The following KAZN variants were observed in gnomAD, a reference collection of about 807,000 sequenced individuals.
The protein encoded by KAZN is kazrin.
A neutral mutation model predicts 87.4 loss-of-function variants in KAZN; 40 were observed. The observed-to-expected ratio is 0.46, with a 90% confidence interval of 0.36 to 0.60. The LOEUF (loss-of-function observed/expected upper bound fraction) is 0.60, where lower values mean the gene tolerates loss of function less well. Ranked by LOEUF, KAZN falls within the 20% of genes least tolerant of loss-of-function variation. The pLI, the probability that KAZN is intolerant of heterozygous loss-of-function variation, is 0.00. For synonymous variants in KAZN, 466 were observed against 458.3 expected (o/e 1.02, Z -0.22); for missense variants, 898 against 1,073.9 (o/e 0.84, Z 2.29).
intron 2 of KAZN, among the ~76,000 whole-genome samples, chr1:14,591,977 GAGA>G (rs1279275351): frequency 6.6e-6 from 1 of 152,096 alleles, no homozygotes; most frequent in African/African-American, 2.4e-5. Context: ...TGATGAATAG[GAGA>G]AGGATAGCTG....
At chr1:14,827,409 T>C (rs544212536) in intron 1 of KAZN, among the ~76,000 whole-genome samples, 17 of 152,300 alleles carry the variant, frequency 1.1e-4, no homozygotes, top group African/African-American at 3.8e-4. Flanking sequence ...CTCACCTGCT[T>C]CCCACCCTTT....
chr1:14,337,585 A>T (rs1657361362), intron 2 of KAZN, among the ~76,000 whole-genome samples: 1 of 152,130 alleles, frequency 6.6e-6, no homozygotes, highest in Admixed American at 6.5e-5. Context: ...GCAAGTAGCT[A>T]TTGGTTCATT....
chr1:14,427,513 A>AACACACACACACAC (rs141037257), intron 2 of KAZN, among the ~76,000 whole-genome samples: 3 of 150,300 alleles, frequency 2.0e-5, no homozygotes, highest in African/African-American at 7.3e-5. Context: ...CTATAATTTA[A>AACACACACACACAC]ACACACACAC....
At chr1:14,685,357 T>A (rs1640892852) in intron 1 of KAZN, among the ~76,000 whole-genome samples, 1 of 152,196 alleles carries the variant, frequency 6.6e-6, no homozygotes, top group Admixed American at 6.5e-5. Flanking sequence ...CACAATTCTG[T>A]GCCACTGGTC....
At chr1:14,090,282 C>T (rs778116415) in intron 1 of KAZN, among the ~76,000 whole-genome samples, 12 of 152,138 alleles carry the variant, frequency 7.9e-5, no homozygotes, top group Non-Finnish European at 1.5e-4. Flanking sequence ...TCCCTCATCT[C>T]ACTGACACTC....
At chr1:14,585,504 C>T (rs571900804) in intron 2 of KAZN, among the ~76,000 whole-genome samples, 6 of 152,118 alleles carry the variant, frequency 3.9e-5, no homozygotes, top group South Asian at 2.1e-4. Context: ...GTTCTTCCCA[C>T]GCAGGATCAC....
intron 1 of KAZN, among the ~76,000 whole-genome samples, chr1:14,673,650 C>A (rs1245942861): frequency 1.3e-5 from 2 of 152,152 alleles, no homozygotes; most frequent in Non-Finnish European, 2.9e-5. Context: ...CTCAAGGATG[C>A]AGGCTGTGGA....
intron 1 of KAZN, among the ~76,000 whole-genome samples, chr1:14,005,195 C>A (rs139200924): frequency 9.8e-4 from 149 of 152,148 alleles, no homozygotes; most frequent in South Asian, 3.5e-3. Flanking sequence ...AGAGTAGAGC[C>A]AGACAGTGGA....
chr1:14,424,208 A>G (rs1473808683), intron 2 of KAZN, among the ~76,000 whole-genome samples: 1 of 152,236 alleles, frequency 6.6e-6, no homozygotes, highest in Non-Finnish European at 1.5e-5. Flanking sequence ...ACAGATTGTC[A>G]TGAAGATAAA....
At chr1:13,919,969 A>G (rs1308972868) in intron 1 of KAZN, among the ~76,000 whole-genome samples, 1 of 152,146 alleles carries the variant, frequency 6.6e-6, no homozygotes, top group Admixed American at 6.5e-5. Flanking sequence ...CCTTTTCTGT[A>G]TGAATATCCT....
At chr1:15,006,387 G>T (rs1386760739) in intron 2 of KAZN, among the ~76,000 whole-genome samples, 1 of 152,188 alleles carries the variant, frequency 6.6e-6, no homozygotes, top group Non-Finnish European at 1.5e-5. Flanking sequence ...AGCTTGTGAA[G>T]TTCTAATTGG....
chr1:14,691,181 T>C (rs1641266522), intron 1 of KAZN, among the ~76,000 whole-genome samples: 1 of 152,202 alleles, frequency 6.6e-6, no homozygotes, highest in African/African-American at 2.4e-5. Context: ...TCGGTACTTT[T>C]AAGTTTCAGG....
Position 14,677,166 on chromosome 1 carries a change from A to G in KAZN, c.226+77943A>G, listed in dbSNP as rs184370705. ...TTTTGTAAAGAAGACCGAGGATTAG[A>G]GAAGTGAAGGCCCATGATCAAGGTT... is the stretch of plus-strand genomic sequence containing the variant. On this transcript the variant is annotated intron_variant, in intron 1 of 14. Transcript: ENST00000376030. 3.3e-4 allele frequency among the ~76,000 whole-genome samples: 50 copies of G among 152,266 alleles called. No homozygotes were observed. The East Asian group carries it at 8.1e-3, about 25-fold the overall frequency.
intron 2 of KAZN, among the ~76,000 whole-genome samples, chr1:14,406,456 C>G (rs571703572): frequency 6.6e-6 from 1 of 151,778 alleles, no homozygotes; most frequent in African/African-American, 2.4e-5. Flanking sequence ...ACCCAAACAT[C>G]GAATGTTCTC....
chr1:14,405,149 A>C (rs1663727402), intron 2 of KAZN, among the ~76,000 whole-genome samples: 1 of 152,206 alleles, frequency 6.6e-6, no homozygotes, highest in African/African-American at 2.4e-5. Flanking sequence ...CACTGCTCAG[A>C]GCAGACCAAG....
intron 1 of KAZN, among the ~76,000 whole-genome samples, chr1:14,171,184 T>C (rs962619505): frequency 6.6e-6 from 1 of 152,250 alleles, no homozygotes; most frequent in Non-Finnish European, 1.5e-5. Flanking sequence ...TGTTAGTCCA[T>C]GTATCAGTTG....
At chr1:15,011,862 AAGG>A (rs1306947839) in intron 2 of KAZN, among the ~76,000 whole-genome samples, 1 of 152,092 alleles carries the variant, frequency 6.6e-6, no homozygotes, top group Non-Finnish European at 1.5e-5. Flanking sequence ...CAAAAAGAGG[AAGG>A]AGGAGTGGGA....
chr1:14,695,484 A>G (rs1015056853), intron 1 of KAZN, among the ~76,000 whole-genome samples: 2 of 112,650 alleles, frequency 1.8e-5, no homozygotes, highest in African/African-American at 2.9e-5. Context: ...TTGGAATGCC[A>G]CCTCTTTCCC....
At chr1:13,942,100 C>A (rs34921113) in intron 1 of KAZN, among the ~76,000 whole-genome samples, 21,095 of 152,016 alleles carry the variant, frequency 0.14, 1,562 homozygotes, top group Middle Eastern at 0.22. Flanking sequence ...TGAAATGGCT[C>A]TATTTTAGGA....
Sources: allele counts gnomAD v4.1 joint callset (sites outside exome capture counted in the v4.1 genomes callset), GRCh38; gene constraint gnomAD v4.1.1; transcripts MANE v1.5; gene names NCBI Gene and HGNC (gene_info 2026-07-23, HGNC 2026-07-21).